Variants in BMPR2 observed in about 807,000 individuals in gnomAD.
BMPR2 encodes the protein bone morphogenetic protein receptor type-2.
A neutral mutation model predicts 100.8 loss-of-function variants in BMPR2; 29 were observed. The observed-to-expected ratio is 0.29, with a 90% CI of 0.21 to 0.39. The LOEUF (loss-of-function observed/expected upper bound fraction) is 0.39, where lower values mean the gene tolerates loss of function less well. Among genes scored for constraint, BMPR2 ranks in the 10% least tolerant of loss-of-function variants. The pLI, the probability that BMPR2 is intolerant of heterozygous loss-of-function variation, is 1.00. For synonymous variants in BMPR2, 382 were observed against 442.3 expected, an observed-to-expected ratio of 0.86 and a Z score of 1.71; for missense variants, 1,011 against 1,274.5, an observed-to-expected ratio of 0.79 and a Z score of 3.15.
intron 3 of BMPR2, among the ~76,000 whole-genome samples, chr2:202,480,710 T>A (rs1031217372): frequency 6.6e-6 from 1 of 151,746 alleles, no homozygotes; most frequent in Non-Finnish European, 1.5e-5. Flanking sequence ...TCCCAGCACT[T>A]TGGGAGGCCG....
At chr2:202,510,621 T>C (rs981313546) in intron 3 of BMPR2, among the ~76,000 whole-genome samples, 1 of 152,138 alleles carries the variant, frequency 6.6e-6, no homozygotes, top group African/African-American at 2.4e-5. Flanking sequence ...GTATTGAAAA[T>C]AGTTTATCTT....
At position 202,513,782 on chromosome 2, in the gene BMPR2, T is replaced by C. The variant is rs1085307235; in HGVS notation, c.482T>C (p.Leu161Ser). The C allele has an allele frequency of 1.2e-6, 2 of 1,613,276 alleles. No homozygotes were observed. Among genetic ancestry groups the C allele is most frequent in the East Asian group, 2.2e-5 (1 of 44,726 alleles). The change falls in exon 4 of 13, where the codon TTA becomes TCA. Residue 161 changes from leucine (L) to serine (S), a missense_variant. Around this residue, in one of 6 missense-constraint regions of BMPR2, gnomAD observed 355 missense variants for 455.3 expected, o/e 0.78. Coordinates refer to ENST00000374580, the MANE Select transcript of BMPR2 (RefSeq NM_001204.7). ...IIIALASVSV[L>S]AVLIVALCFG... ...ATTGCTTTGGCATCAGTCTCTGTAT[T>C]AGCTGTTTTGATAGTTGCCTTATGC...
At chr2:202,389,978 G>A (rs1374515284) in intron 1 of BMPR2, among the ~76,000 whole-genome samples, 3 of 145,180 alleles carry the variant, frequency 2.1e-5, no homozygotes, top group African/African-American at 2.6e-5. Context: ...ATGGTGAAGT[G>A]TAGAAATGAT....
At chr2:202,525,010 C>G (rs2106012880) in intron 7 of BMPR2, among the ~76,000 whole-genome samples, 2 of 152,058 alleles carry the variant, frequency 1.3e-5, no homozygotes, top group Admixed American at 6.6e-5. Flanking sequence ...AAAAAATGTT[C>G]TTTTGATTCT....
intron 1 of BMPR2, among the ~76,000 whole-genome samples, chr2:202,421,416 T>C (rs1301127487): frequency 6.6e-6 from 1 of 151,142 alleles, no homozygotes; most frequent in East Asian, 1.9e-4. Flanking sequence ...TTGTAACTAG[T>C]ATTCTTAGCA....
At chr2:202,520,338 A>G (rs1687799056) in intron 7 of BMPR2, 137 bp downstream of exon 7, 1 of 721,268 alleles carries the variant, frequency 1.4e-6, no homozygotes, top group Non-Finnish European at 2.4e-6. Flanking sequence ...TGAAAGATTC[A>G]GCATGAAATG....
rs1688104968 is a variant in BMPR2, at chr2:202,534,917, CCCTCCCGGACGGGGCGG to C, written c.1276+2187_1276+2203del. 5.7e-4 allele frequency among the ~76,000 whole-genome samples: 75 copies of C among 131,662 alleles called. 2 individuals carry two copies. The highest frequency in any genetic ancestry group is 1.3e-3 in the African/African-American group (44 of 32,602). The allele number at this position is 131,662 out of a possible 152,430, so 86.4% of individuals were successfully genotyped here. A position where few individuals can be genotyped will look rare whatever the true frequency, so the allele number is the denominator to read the frequency against. On this transcript the variant is annotated intron_variant, in intron 9 of 12. Transcript: ENST00000374580. ...GGGCGGGGGGCTGACCCCCCCACCT[CCCTCCCGGACGGGGCGG>C]CTGGCCGGGCGGGGGGCTGACCCCC...
chr2:202,464,456 C>G (rs904164420), intron 1 of BMPR2, among the ~76,000 whole-genome samples: 1 of 152,040 alleles, frequency 6.6e-6, no homozygotes, highest in African/African-American at 2.4e-5. Flanking sequence ...ATTCAGCCTT[C>G]TAGGTTTGTT....
At position 202,552,840 on chromosome 2, in the gene BMPR2, C is replaced by G; in HGVS notation, c.1538C>G (p.Ser513Cys). The G allele has an allele frequency of 6.2e-7, 1 of 1,614,172 alleles. No individual in the cohort carries two copies. Among genetic ancestry groups the G allele is most frequent in the Non-Finnish European group, 8.5e-7 (1 of 1,180,036 alleles). The change falls in exon 11 of 13, where the codon TCT becomes TGT. Residue 513 changes from serine (S) to cysteine (C), a missense_variant. Ser to Cys is a moderately radical substitution (Grantham distance 112). Around this residue, in one of 6 missense-constraint regions of BMPR2, gnomAD observed 508 missense variants for 552.0 expected, o/e 0.92. Transcript: ENST00000374580. Reference protein sequence around the residue: ...ELMMIWERNKSVSPTVNPMST... With the variant: ...ELMMIWERNKCVSPTVNPMST... ...ATGATGATTTGGGAAAGAAACAAAT[C>G]TGTGAGCCCAACAGTCAATCCAATG...
At chr2:202,540,245 TAATA>T (rs910592856) in intron 9 of BMPR2, among the ~76,000 whole-genome samples, 12 of 151,290 alleles carry the variant, frequency 7.9e-5, no homozygotes, top group Admixed American at 5.9e-4. Context: ...GAAAAAAAAA[TAATA>T]AATAACACTT....
At chr2:202,474,625 TCTC>T in intron 3 of BMPR2, 1 of 151,962 alleles carries the variant, frequency 6.6e-6, no homozygotes, top group Non-Finnish European at 1.5e-5. Flanking sequence ...TTCACGCCAT[TCTC>T]CTGCCTCAGC....
intron 3 of BMPR2, among the ~76,000 whole-genome samples, chr2:202,512,454 C>T (rs1234917157): frequency 3.9e-5 from 6 of 152,192 alleles, no homozygotes; most frequent in South Asian, 2.1e-4. Context: ...ACTAAAGGCT[C>T]TTATCCTTGA....
chr2:202,529,856 G>C (rs1687987139), intron 7 of BMPR2, among the ~76,000 whole-genome samples: 1 of 152,024 alleles, frequency 6.6e-6, no homozygotes, highest in Admixed American at 6.6e-5. Flanking sequence ...TATTGACTTT[G>C]TTCTGATTGC....
At chr2:202,559,607 A>G (rs1481015675) in intron 12 of BMPR2, 89 bp from the exon 13 acceptor site, 1 of 1,399,226 alleles carries the variant, frequency 7.1e-7, no homozygotes, top group African/African-American at 1.4e-5. Flanking sequence ...CTCCTGAGAC[A>G]TTGGTTTGAC....
chr2:202,440,433 A>G (rs1691714392), intron 1 of BMPR2, among the ~76,000 whole-genome samples: 1 of 148,456 alleles, frequency 6.7e-6, no homozygotes, highest in Non-Finnish European at 1.5e-5. Context: ...GACGCTCCTC[A>G]CTTCCTAGAC....
chr2:202,395,520 G>T (rs1690640992), intron 1 of BMPR2, among the ~76,000 whole-genome samples: 1 of 152,188 alleles, frequency 6.6e-6, no homozygotes. Flanking sequence ...GATGGTTTAT[G>T]CTCAACTACT....
intron 1 of BMPR2, among the ~76,000 whole-genome samples, chr2:202,379,545 GTGGT>G (rs1690226282): frequency 6.6e-6 from 1 of 152,228 alleles, no homozygotes; most frequent in Non-Finnish European, 1.5e-5. Context: ...TAGTGCAGCA[GTGGT>G]TATGCAAATG....
intron 1 of BMPR2, among the ~76,000 whole-genome samples, chr2:202,418,770 T>C (rs1336414477): frequency 6.6e-6 from 1 of 152,198 alleles, no homozygotes; most frequent in Admixed American, 6.5e-5. Context: ...TGTAGCAGGC[T>C]TCACAGAGAA....
chr2:202,437,765 GGGTC>G (rs1279650777), intron 1 of BMPR2, among the ~76,000 whole-genome samples: 1 of 150,442 alleles, frequency 6.6e-6, no homozygotes, highest in Non-Finnish European at 1.5e-5. Context: ...AATGTTTTCA[GGGTC>G]CATCCATGTT....
Sources: gnomAD v4.1 joint callset for allele counts (sites outside exome capture counted in the v4.1 genomes callset) on GRCh38, gnomAD v4.1.1 for gene constraint, gnomAD v4.1.1 regional missense constraint, MANE v1.5 for transcripts, NCBI Gene and HGNC (gene_info 2026-07-23, HGNC 2026-07-21) for gene names.